The following PRKACB variants were observed in gnomAD, a reference collection of about 807,000 sequenced individuals.
PRKACB encodes the protein protein kinase cAMP-activated catalytic subunit beta.
Under a neutral mutation model 51.4 loss-of-function variants are expected in PRKACB, and 16 were observed. The ratio of observed to expected loss-of-function variants is 0.31; its 90% CI spans 0.21 to 0.47. The LOEUF (loss-of-function observed/expected upper bound fraction) is 0.47. Ranked by LOEUF, PRKACB falls within the 20% of genes least tolerant of loss-of-function variation. The pLI is 1.00. For synonymous variants in PRKACB, 147 were observed against 154.4 expected, an observed-to-expected ratio of 0.95 and a Z score of 0.35; for missense variants, 309 against 464.5, an observed-to-expected ratio of 0.67 and a Z score of 3.08.
At chr1:84,129,300 T>TA (rs1359199295) in intron 1 of PRKACB, among the ~76,000 whole-genome samples, 1 of 152,212 alleles carries the variant, frequency 6.6e-6, no homozygotes, top group East Asian at 1.9e-4. Context: ...AGTTCAAGGA[T>TA]AAAAAACATG....
chr1:84,230,290 A>G (rs972080508), intron 9 of PRKACB, among the ~76,000 whole-genome samples: 28 of 151,934 alleles, frequency 1.8e-4, no homozygotes, highest in Non-Finnish European at 3.5e-4. Context: ...CCATTGATCT[A>G]TATCTCTGTT....
intron 1 of PRKACB, among the ~76,000 whole-genome samples, chr1:84,106,460 C>T (rs1016029963): frequency 1.8e-4 from 27 of 152,132 alleles, no homozygotes; most frequent in Admixed American, 7.9e-4. Context: ...TATACACTAA[C>T]AGCACCCAAG....
At chr1:84,230,723 GCT>G (rs1206989898) in intron 9 of PRKACB, among the ~76,000 whole-genome samples, 1 of 148,676 alleles carries the variant, frequency 6.7e-6, no homozygotes, top group Non-Finnish European at 1.5e-5. Flanking sequence ...TCATGATTTG[GCT>G]CTCTGTTTGT....
chr1:84,117,671 A>G (rs1346808418), intron 1 of PRKACB, among the ~76,000 whole-genome samples: 1 of 151,714 alleles, frequency 6.6e-6, no homozygotes, highest in Non-Finnish European at 1.5e-5. Context: ...TTCTGATTTT[A>G]TTTGCATCTT....
At chr1:84,084,682 A>G (rs1279894125) in intron 1 of PRKACB, among the ~76,000 whole-genome samples, 1 of 152,122 alleles carries the variant, frequency 6.6e-6, no homozygotes, top group African/African-American at 2.4e-5. Context: ...GCATGTGGGA[A>G]ATGAGGAAAA....
At chr1:84,088,133 A>G (rs913838160) in intron 1 of PRKACB, among the ~76,000 whole-genome samples, 6 of 152,216 alleles carry the variant, frequency 3.9e-5, no homozygotes, top group African/African-American at 1.4e-4. Flanking sequence ...CATAATTGGT[A>G]TTAGTTCTGC....
At chr1:84,113,957 A>G (rs1236703533) in intron 1 of PRKACB, among the ~76,000 whole-genome samples, 1 of 152,202 alleles carries the variant, frequency 6.6e-6, no homozygotes, top group Non-Finnish European at 1.5e-5. Flanking sequence ...CGAATTTTAC[A>G]TTTAAAACTG....
At chr1:84,200,345 G>A (rs1669728920) in intron 7 of PRKACB, among the ~76,000 whole-genome samples, 1 of 152,068 alleles carries the variant, frequency 6.6e-6, no homozygotes, top group African/African-American at 2.4e-5. Flanking sequence ...TTTGTTTCTT[G>A]TAAATTTGTT....
chr1:84,142,692 T>G (rs1410628681), upstream of PRKACB, among the ~76,000 whole-genome samples: 1 of 152,188 alleles, frequency 6.6e-6, no homozygotes, highest in East Asian at 1.9e-4. Flanking sequence ...CACATAATAT[T>G]TATACATAAA....
intron 1 of PRKACB, among the ~76,000 whole-genome samples, chr1:84,111,484 G>C (rs1049277768): frequency 2.6e-5 from 4 of 151,838 alleles, no homozygotes; most frequent in Admixed American, 2.0e-4. Context: ...ATATTAGTAT[G>C]GATTATTAAA....
chr1:84,221,890 T>A (rs1673779700), intron 9 of PRKACB, among the ~76,000 whole-genome samples: 2 of 152,142 alleles, frequency 1.3e-5, no homozygotes, highest in Admixed American at 6.5e-5. Context: ...ATTAGAAGAA[T>A]GTGTATTCTG....
At chr1:84,185,060 C>T in intron 4 of PRKACB, 40 bp from the exon 5 acceptor site, 3 of 1,228,794 alleles carry the variant, frequency 2.4e-6, no homozygotes, top group East Asian at 2.8e-5. Flanking sequence ...TAATTTTGAC[C>T]TAAGTTGAAT....
At position 84,182,329 on chromosome 1, in the gene PRKACB, G is replaced by T. The variant is rs768162523; in HGVS notation, c.378+1G>T. On this transcript the variant is annotated splice_donor_variant, in intron 3 of 9. Transcript: ENST00000370685. LOFTEE classifies it high-confidence loss of function. ...CATGAAGATCTTAGATAAGCAGAAG[G>T]TGAGTGTATTTGTTGTTATTTACCT... The T allele has an allele frequency of 1.9e-6, 3 of 1,555,714 alleles. No individual in the cohort carries two copies. The highest frequency in any genetic ancestry group is 1.7e-6 in the Non-Finnish European group (2 of 1,151,650).
At chr1:84,233,264 A>G (rs1158445453) in intron 9 of PRKACB, among the ~76,000 whole-genome samples, 3 of 152,050 alleles carry the variant, frequency 2.0e-5, no homozygotes, top group East Asian at 1.9e-4. Context: ...TGGCTTGTAG[A>G]GTTTCTGCCG....
At position 84,197,750 on chromosome 1, in the gene PRKACB, A is replaced by G. The variant is rs1329103711; in HGVS notation, c.709A>G (p.Lys237Glu). The change falls in exon 7 of 10, where the codon AAA becomes GAA. Residue 237 changes from lysine (K) to glutamate (E), a missense_variant. Physicochemically the swap from Lys to Glu is moderately conservative, Grantham distance 56 (BLOSUM62 1). Coordinates refer to ENST00000370685, the MANE Select transcript of PRKACB (RefSeq NM_182948.4). ...ATAGGTCACAGACTTTGGGTTTGCC[A>G]AAAGAGTTAAAGGCAGAACTTGGAC... ...YIQVTDFGFA[K>E]RVKGRTWTLC... 1.2e-6 allele frequency: 2 copies of G among 1,611,004 alleles called. No homozygotes were observed. Among genetic ancestry groups the G allele is most frequent in the Non-Finnish European group, 8.5e-7 (1 of 1,178,070 alleles).
In PRKACB at chr1:84,189,809, A is replaced by T. The variant is rs546601995; in HGVS notation, c.560+4627A>T. On this transcript the variant is annotated intron_variant, in intron 5 of 9. Transcript: ENST00000370685. ...ATTAAAAATCACAACCTTTTGCAGT[A>T]TTATTGAGAGCAGATCAATACTTCA... Among the ~76,000 whole-genome samples the T allele has an allele frequency of 4.6e-5, 7 of 152,144 alleles. No homozygotes were observed. The East Asian group carries it at 1.3e-3, about 29-fold the overall frequency.
intron 5 of PRKACB, among the ~76,000 whole-genome samples, chr1:84,189,820 C>T (rs921580992): frequency 6.6e-6 from 1 of 151,922 alleles, no homozygotes; most frequent in Non-Finnish European, 1.5e-5. Context: ...TTATTGAGAG[C>T]AGATCAATAC....
chr1:84,232,197 G>A (rs371746549), intron 9 of PRKACB, among the ~76,000 whole-genome samples: 2 of 151,898 alleles, frequency 1.3e-5, no homozygotes, highest in African/African-American at 2.4e-5. Flanking sequence ...TCATTCAGGA[G>A]CAGGTTGTTC....
intron 5 of PRKACB, among the ~76,000 whole-genome samples, chr1:84,186,299 A>T (rs1434770553): frequency 6.6e-6 from 1 of 151,880 alleles, no homozygotes; most frequent in African/African-American, 2.4e-5. Context: ...ACTTACTGCA[A>T]CCTCTGCCTC....
Sources: allele counts gnomAD v4.1 joint callset (sites outside exome capture counted in the v4.1 genomes callset), GRCh38; gene constraint gnomAD v4.1.1; transcripts MANE v1.5; gene names NCBI Gene and HGNC (gene_info 2026-07-23, HGNC 2026-07-21).